The following FUT8 variants were observed in gnomAD, a reference collection of about 807,000 sequenced individuals.
FUT8 encodes the protein fucosyltransferase 8.
Under a neutral mutation model 71.3 loss-of-function variants are expected in FUT8, and 29 were observed. That is an observed-to-expected ratio of 0.41 (90% CI 0.30 to 0.55). The LOEUF (loss-of-function observed/expected upper bound fraction) is 0.55, where lower values mean the gene tolerates loss of function less well. Among genes scored for constraint, FUT8 ranks in the 20% least tolerant of loss-of-function variants. FUT8 has a pLI of 0.34. For synonymous variants in FUT8, 254 were observed against 239.3 expected, an observed-to-expected ratio of 1.06 and a Z score of -0.57; for missense variants, 544 against 702.1, an observed-to-expected ratio of 0.77 and a Z score of 2.55.
chr14:65,552,678 A>G (rs561493832), intron 2 of FUT8, among the ~76,000 whole-genome samples: 2 of 152,136 alleles, frequency 1.3e-5, no homozygotes, highest in Non-Finnish European at 2.9e-5. Flanking sequence ...TCCCTTCTCT[A>G]CTGCAGCTGT....
At chr14:65,469,900 C>A (rs1484044879) in intron 2 of FUT8, among the ~76,000 whole-genome samples, 3 of 152,172 alleles carry the variant, frequency 2.0e-5, no homozygotes, top group Non-Finnish European at 4.4e-5. Context: ...GAAAAGGCAC[C>A]ACAAGCCCCC....
chr14:65,573,662 A>G (rs999523734), intron 3 of FUT8, among the ~76,000 whole-genome samples: 1 of 151,012 alleles, frequency 6.6e-6, no homozygotes, highest in Admixed American at 6.6e-5. Context: ...GTTCCAGGCT[A>G]TTGTACCCAA....
chr14:65,494,401 C>G lies in FUT8; in HGVS notation c.-228+38683C>G, dbSNP rs151062161. Among the ~76,000 whole-genome samples the G allele has an allele frequency of 4.9e-3, 753 of 152,212 alleles. 3 individuals carry two copies. Among genetic ancestry groups the G allele is most frequent in the Middle Eastern group, 0.01 (3 of 294 alleles). ...AATACCTTACCAGACAGTGCATTTA[C>G]ATACTATTAGAAGAGAAAAGGTTTA... On this transcript the variant is annotated intron_variant, in intron 2 of 10. Coordinates refer to ENST00000673929, the MANE Select transcript of FUT8 (RefSeq NM_001371533.1).
upstream of FUT8, chr14:65,412,624 G>C: frequency 3.4e-6 from 1 of 296,824 alleles, no homozygotes; most frequent in South Asian, 2.7e-5. Context: ...GCGAGGAAGG[G>C]GGCGGGGAGA....
In FUT8 at chr14:65,652,411, A is replaced by G. The variant is rs1234860997; in HGVS notation, c.598-16832A>G. Reference sequence around the variant, plus strand: ...GATAAAAATGGAGAGCACATAAGAAAAAAACTTTTAGTGTACTTCTTCTTC... The same window carrying G: ...GATAAAAATGGAGAGCACATAAGAAGAAAACTTTTAGTGTACTTCTTCTTC... On this transcript the variant is annotated intron_variant, in intron 6 of 10. Coordinates refer to ENST00000673929, the MANE Select transcript of FUT8 (RefSeq NM_001371533.1). This position sits in a 1 kb window ranked among gnomAD's most constrained non-coding sequence, Gnocchi z 4.0. Among the ~76,000 whole-genome samples the G allele has an allele frequency of 6.6e-6, 1 of 152,230 alleles. No homozygotes were observed. Among genetic ancestry groups the G allele is most frequent in the Non-Finnish European group, 1.5e-5 (1 of 68,048 alleles).
chr14:65,612,165 C>T (rs536778368), intron 3 of FUT8, among the ~76,000 whole-genome samples: 42 of 152,222 alleles, frequency 2.8e-4, no homozygotes, highest in African/African-American at 9.9e-4. Context: ...GGATTCCAGA[C>T]ATGAATTTTA....
At chr14:65,362,688 C>T in the FUT8 span, among the ~76,000 whole-genome samples, 6 of 152,038 alleles carry the variant, frequency 3.9e-5, no homozygotes, top group East Asian at 1.9e-4. Context: ...ATTAGCCGGG[C>T]GTGGTGGCTC....
At chr14:65,536,703 C>A (rs2139937886) in intron 2 of FUT8, among the ~76,000 whole-genome samples, 1 of 152,242 alleles carries the variant, frequency 6.6e-6, no homozygotes, top group East Asian at 1.9e-4. Context: ...TTCATTTCAG[C>A]CTCATAGAAT....
At chr14:65,391,458 C>G in the FUT8 span, among the ~76,000 whole-genome samples, 1 of 152,136 alleles carries the variant, frequency 6.6e-6, no homozygotes, top group Non-Finnish European at 1.5e-5. Flanking sequence ...CAGGTTCAAG[C>G]GATTCTCCTG....
chr14:65,399,428 C>T, the FUT8 span, among the ~76,000 whole-genome samples: 1 of 152,152 alleles, frequency 6.6e-6, no homozygotes, highest in Non-Finnish European at 1.5e-5. Context: ...ACAAACAGCC[C>T]AGGACACTTG....
At chr14:65,497,592 G>A (rs2066578854) in intron 2 of FUT8, among the ~76,000 whole-genome samples, 1 of 151,888 alleles carries the variant, frequency 6.6e-6, no homozygotes, top group Admixed American at 6.6e-5. Flanking sequence ...TGGTAATGGA[G>A]GTGGTAAATT....
chr14:65,623,446 G>A lies in FUT8; in HGVS notation c.483-6046G>A, dbSNP rs1029712292. On this transcript the variant is annotated intron_variant, in intron 5 of 10. Transcript: ENST00000673929. Reference sequence around the variant, plus strand: ...AATTCTGTTCTACTTGGCGGGGCGCGGTGGCTCATGCCTGTAATCCTAGCA... The same window carrying A: ...AATTCTGTTCTACTTGGCGGGGCGCAGTGGCTCATGCCTGTAATCCTAGCA... 8.5e-5 allele frequency among the ~76,000 whole-genome samples: 13 copies of A among 152,056 alleles called. No homozygotes were observed. The South Asian group carries it at 1.7e-3, about 19-fold the overall frequency.
At chr14:65,711,120 G>A (rs914145956) in intron 7 of FUT8, among the ~76,000 whole-genome samples, 1 of 152,098 alleles carries the variant, frequency 6.6e-6, no homozygotes, top group South Asian at 2.1e-4. Context: ...ATCTAATTTC[G>A]ACATGAGATT....
At chr14:65,554,268 T>G (rs1286892635) in intron 2 of FUT8, among the ~76,000 whole-genome samples, 2 of 151,830 alleles carry the variant, frequency 1.3e-5, no homozygotes, top group African/African-American at 2.4e-5. Context: ...GTTTTTGTAT[T>G]TTGTTCATAT....
intron 2 of FUT8, among the ~76,000 whole-genome samples, chr14:65,458,791 C>CTT (rs748466416): frequency 2.7e-4 from 36 of 135,568 alleles, no homozygotes; most frequent in African/African-American, 4.3e-4. Flanking sequence ...TCTTTTCTTT[C>CTT]TTTTTTTTTT....
intron 3 of FUT8, among the ~76,000 whole-genome samples, chr14:65,583,249 A>C (rs933478316): frequency 1.3e-5 from 2 of 152,008 alleles, no homozygotes; most frequent in African/African-American, 4.8e-5. Flanking sequence ...AATCACTAGC[A>C]TGCTCACTGC....
At chr14:65,394,325 G>A in the FUT8 span, among the ~76,000 whole-genome samples, 1 of 152,080 alleles carries the variant, frequency 6.6e-6, no homozygotes. Flanking sequence ...AATAGTATGG[G>A]GGAAACCACC....
chr14:65,606,076 T>G (rs1432658968), intron 3 of FUT8, among the ~76,000 whole-genome samples: 2 of 147,718 alleles, frequency 1.4e-5, no homozygotes, highest in Non-Finnish European at 3.0e-5. Flanking sequence ...ATTGTTAGTT[T>G]TTTTTTTTTT....
intron 7 of FUT8, among the ~76,000 whole-genome samples, chr14:65,704,276 C>G (rs115810345): frequency 1.4e-4 from 21 of 151,920 alleles, no homozygotes; most frequent in African/African-American, 5.1e-4. Flanking sequence ...TTATTCTAGT[C>G]GTTTCTTTCA....
Sources: gnomAD v4.1 joint callset for allele counts (sites outside exome capture counted in the v4.1 genomes callset) on GRCh38, gnomAD v4.1.1 for gene constraint, Gnocchi (gnomAD v3.1) non-coding constraint, MANE v1.5 for transcripts, NCBI Gene and HGNC (gene_info 2026-07-23, HGNC 2026-07-21) for gene names.